The following AFF3 variants were observed in gnomAD, a reference collection of about 807,000 sequenced individuals.
AFF3 encodes the protein AF4/FMR2 family member 3.
Under a neutral mutation model 129.7 loss-of-function variants are expected in AFF3, and 32 were observed. The observed-to-expected ratio is 0.25, with a 90% confidence interval of 0.19 to 0.33. The LOEUF (loss-of-function observed/expected upper bound fraction) is 0.33, where lower values mean the gene tolerates loss of function less well. Ranked by LOEUF, AFF3 falls within the 10% of genes least tolerant of loss-of-function variation. The pLI is 1.00. For missense variants in AFF3, 1,373 were observed against 1,592.0 expected, an observed-to-expected ratio of 0.86 and a Z score of 2.34; for synonymous variants, 644 against 635.4, an observed-to-expected ratio of 1.01 and a Z score of -0.20.
In AFF3 at chr2:99,581,077, C is replaced by T. The variant is rs1575416712; in HGVS notation, c.2793+1721G>A. The stretch of plus-strand genomic sequence containing the variant: ...AAGGCTCTCTCCCTAGAACTGTAAG[C>T]TTCATGGGGGCACAAATGGGATCCG... On this transcript the variant is annotated intron_variant, in intron 17 of 24. Transcript: ENST00000672756. Among the ~76,000 whole-genome samples the T allele has an allele frequency of 2.0e-5, 3 of 152,208 alleles. No individual in the cohort carries two copies. In the East Asian group the frequency reaches 5.8e-4, roughly 29 times the overall value.
chr2:100,123,250 G>A lies in AFF3; in HGVS notation c.-145+5974C>T, dbSNP rs79253618. On this transcript the variant is annotated intron_variant, in intron 2 of 24. Coordinates refer to ENST00000672756, the MANE Select transcript of AFF3 (RefSeq NM_001386135.1). ...CCTCTGAAACTGCTAATTCTGCTTA[G>A]ATGCCTTCTGACTGTAAGCGAAGTT... is the stretch of plus-strand genomic sequence containing the variant. 1.9e-4 allele frequency among the ~76,000 whole-genome samples: 29 copies of A among 152,276 alleles called. No homozygotes were observed. The East Asian group carries it at 5.2e-3, about 27-fold the overall frequency.
chr2:99,677,601 G>A (rs1674114700), intron 11 of AFF3, among the ~76,000 whole-genome samples: 1 of 152,180 alleles, frequency 6.6e-6, no homozygotes, highest in Non-Finnish European at 1.5e-5. Flanking sequence ...ACTCGCTCAC[G>A]CTTTCATGCA....
At chr2:100,032,317 T>C (rs1684561206) in intron 4 of AFF3, among the ~76,000 whole-genome samples, 2 of 151,960 alleles carry the variant, frequency 1.3e-5, no homozygotes, top group Admixed American at 1.3e-4. Flanking sequence ...TAGTCCCAGC[T>C]ACTCAGGAGG....
intron 11 of AFF3, among the ~76,000 whole-genome samples, chr2:99,712,981 G>C (rs948094866): frequency 6.6e-6 from 1 of 152,198 alleles, no homozygotes; most frequent in African/African-American, 2.4e-5. Context: ...AAATAAGCCA[G>C]ACACGCAAGG....
At chr2:100,066,439 C>T (rs1196576915) in intron 4 of AFF3, among the ~76,000 whole-genome samples, 1 of 152,116 alleles carries the variant, frequency 6.6e-6, no homozygotes, top group African/African-American at 2.4e-5. Flanking sequence ...TCTTCTGTTC[C>T]CTGCCACTTG....
In AFF3 at chr2:99,545,801, T is replaced by C; in HGVS notation, c.*5673A>G. On this transcript the variant is annotated 3_prime_UTR_variant, in exon 25 of 25. Coordinates refer to ENST00000672756, the MANE Select transcript of AFF3 (RefSeq NM_001386135.1). ...ATCCCCTTGCAGCCAACACAAAATT[T>C]ACCCCCTGCTGCCTCGGAGTGCCAA... 5.6e-6 allele frequency: 1 copy of C among 178,656 alleles called. No individual in the cohort carries two copies. Among genetic ancestry groups the C allele is most frequent in the Non-Finnish European group, 1.2e-5 (1 of 83,210 alleles). The allele number at this position is 178,656 out of a possible 1,614,324, so 11.1% of individuals were successfully genotyped here.
At chr2:99,635,291 A>C (rs1683548983) in intron 13 of AFF3, among the ~76,000 whole-genome samples, 1 of 152,074 alleles carries the variant, frequency 6.6e-6, no homozygotes, top group African/African-American at 2.4e-5. Flanking sequence ...CATATCATAC[A>C]TATACACATA....
At chr2:100,025,496 C>A (rs1006672900) in intron 4 of AFF3, among the ~76,000 whole-genome samples, 1 of 151,994 alleles carries the variant, frequency 6.6e-6, no homozygotes. Context: ...ACAAATTCAA[C>A]GCAATCCCCA....
intron 7 of AFF3, among the ~76,000 whole-genome samples, chr2:99,841,208 T>C (rs938215444): frequency 2.6e-5 from 4 of 152,368 alleles, no homozygotes; most frequent in East Asian, 3.9e-4. Context: ...CTTTTATAAC[T>C]ATCTCCCTTA....
chr2:99,740,217 G>C (rs1680605957), intron 10 of AFF3, among the ~76,000 whole-genome samples: 2 of 150,220 alleles, frequency 1.3e-5, no homozygotes, highest in African/African-American at 4.9e-5. Context: ...TGTCATTGTT[G>C]GACATTTGGG....
intron 13 of AFF3, among the ~76,000 whole-genome samples, chr2:99,638,159 C>A (rs868175500): frequency 6.6e-6 from 1 of 151,854 alleles, no homozygotes; most frequent in Non-Finnish European, 1.5e-5. Flanking sequence ...CTGCAACCTC[C>A]GTCTTCCAGG....
intron 8 of AFF3, among the ~76,000 whole-genome samples, chr2:99,825,607 C>T (rs979854427): frequency 6.6e-6 from 1 of 152,140 alleles, no homozygotes; most frequent in African/African-American, 2.4e-5. Context: ...TGGTAATTAA[C>T]CAAATTATCC....
intron 7 of AFF3, among the ~76,000 whole-genome samples, chr2:99,847,684 C>T (rs1213064683): frequency 6.6e-6 from 1 of 151,940 alleles, no homozygotes; most frequent in Non-Finnish European, 1.5e-5. Context: ...TATTAATCCT[C>T]ACATGTGTCC....
intron 10 of AFF3, among the ~76,000 whole-genome samples, chr2:99,739,335 T>A (rs1331568627): frequency 6.6e-6 from 1 of 152,144 alleles, no homozygotes; most frequent in Non-Finnish European, 1.5e-5. Context: ...ACTTTCGGCT[T>A]TCCAGAACAC....
chr2:99,655,213 TACACACAC>T (rs59646108), intron 12 of AFF3, among the ~76,000 whole-genome samples: 44,214 of 130,008 alleles, frequency 0.34, 7,513 homozygotes, highest in East Asian at 0.47. Flanking sequence ...CATGAAAAGC[TACACACAC>T]ACACACACAC....
intron 8 of AFF3, among the ~76,000 whole-genome samples, chr2:99,776,078 A>C (rs1448361637): frequency 3.3e-5 from 5 of 152,206 alleles, no homozygotes; most frequent in Non-Finnish European, 5.9e-5. Context: ...ATGCATGACT[A>C]TCTCTCAGGA....
chr2:99,809,188 AG>A (rs1236614359), intron 8 of AFF3, among the ~76,000 whole-genome samples: 1 of 152,250 alleles, frequency 6.6e-6, no homozygotes, highest in Non-Finnish European at 1.5e-5. Flanking sequence ...GAAGGCAGAA[AG>A]CCTTTGAGGT....
At chr2:99,867,749 T>C (rs1691537322) in intron 7 of AFF3, among the ~76,000 whole-genome samples, 1 of 152,044 alleles carries the variant, frequency 6.6e-6, no homozygotes, top group Non-Finnish European at 1.5e-5. Context: ...GTGGAGGGGC[T>C]CACCATCTCT....
At chr2:100,018,991 C>T (rs1041091930) in intron 4 of AFF3, among the ~76,000 whole-genome samples, 1 of 152,184 alleles carries the variant, frequency 6.6e-6, no homozygotes, top group African/African-American at 2.4e-5. Context: ...AAGCTATCTA[C>T]ACAATGAGTC....
Sources: gnomAD v4.1 joint callset for allele counts (sites outside exome capture counted in the v4.1 genomes callset) on GRCh38, gnomAD v4.1.1 for gene constraint, MANE v1.5 for transcripts, NCBI Gene and HGNC (gene_info 2026-07-23, HGNC 2026-07-21) for gene names.